ITPKB: variants seen among roughly 807,000 people sequenced by gnomAD.
ITPKB encodes the protein inositol-trisphosphate 3-kinase B, also known as IP3 3-kinase B.
In ITPKB, 13 loss-of-function variants were observed where a neutral mutation model predicts 69.4. That is an observed-to-expected ratio of 0.19 (90% CI 0.12 to 0.30). ITPKB has a LOEUF of 0.30. Ranked by LOEUF, ITPKB falls within the 10% of genes least tolerant of loss-of-function variation. The probability of loss-of-function intolerance (pLI) is 1.00; values close to 1 mark genes in which losing one functional copy is unlikely to be tolerated. For synonymous variants in ITPKB, 584 were observed against 513.7 expected, an observed-to-expected ratio of 1.14 and a Z score of -1.85; for missense variants, 1,240 against 1,250.5, an observed-to-expected ratio of 0.99 and a Z score of 0.13.
chr1:226,708,012 G>T, intron 2 of ITPKB: 2 of 624,824 alleles, frequency 3.2e-6, no homozygotes, highest in Middle Eastern at 3.5e-4. Flanking sequence ...ACCAAAGGTA[G>T]GAGTAAGATG....
Position 226,682,314 on chromosome 1 carries a change from A to C in ITPKB, c.1933-33543T>G, listed in dbSNP as rs533950736. ...CAAAGTGGCCCAAAAGAGCTAGGAA[A>C]ATATAAATAACATTCAGCAGGTCAT... On this transcript the variant is annotated intron_variant, in intron 2 of 7. Transcript: ENST00000429204. 4.6e-5 allele frequency among the ~76,000 whole-genome samples: 7 copies of C among 152,370 alleles called. No homozygotes were observed. The South Asian group carries it at 1.0e-3, about 23-fold the overall frequency.
chr1:226,676,715 T>C (rs1423117986), intron 2 of ITPKB, among the ~76,000 whole-genome samples: 1 of 152,246 alleles, frequency 6.6e-6, no homozygotes, highest in Non-Finnish European at 1.5e-5. Context: ...AATTCGTTAA[T>C]GGACTTATAC....
At chr1:226,654,817 A>C (rs1175735219) in intron 2 of ITPKB, among the ~76,000 whole-genome samples, 1 of 152,162 alleles carries the variant, frequency 6.6e-6, no homozygotes, top group Non-Finnish European at 1.5e-5. Flanking sequence ...AACAAATCAG[A>C]GGGCAAACGG....
chr1:226,647,086 G>C, intron 4 of ITPKB, 81 bp downstream of exon 4: 1 of 1,318,842 alleles, frequency 7.6e-7, no homozygotes. Context: ...AGGCCTCCGG[G>C]AAGCCCTGAG....
At position 226,643,810 on chromosome 1, in the gene ITPKB, C is replaced by T. The variant is rs558408612; in HGVS notation, c.2247-1685G>A. ...GCACACACAACCATGTGCGCACATA[C>T]ACACACATGTGCTCATGCACACACA... On this transcript the variant is annotated intron_variant, in intron 4 of 7. Transcript: ENST00000429204. 1.5e-4 allele frequency among the ~76,000 whole-genome samples: 22 copies of T among 150,540 alleles called. No individual in the cohort carries two copies. The Middle Eastern group carries it at 0.024, about 165-fold the overall frequency.
At chr1:226,672,970 C>T (rs1170589386) in intron 2 of ITPKB, among the ~76,000 whole-genome samples, 1 of 152,234 alleles carries the variant, frequency 6.6e-6, no homozygotes, top group Non-Finnish European at 1.5e-5. Context: ...ACCTGCCACA[C>T]TGTGAATGAT....
intron 2 of ITPKB, among the ~76,000 whole-genome samples, chr1:226,691,516 G>C (rs971465630): frequency 4.6e-5 from 7 of 152,136 alleles, no homozygotes; most frequent in African/African-American, 1.7e-4. Flanking sequence ...CAGCAGGAAG[G>C]GGAGGGCCCA....
At chr1:226,711,432 AGAGAGAGAGAGTGT>A (rs1283758206) in intron 2 of ITPKB, among the ~76,000 whole-genome samples, 7 of 130,220 alleles carry the variant, frequency 5.4e-5, no homozygotes, top group African/African-American at 1.4e-4. Flanking sequence ...AGAGAGAGAG[AGAGAGAGAGAGTGT>A]GTGTGTGTGT....
chr1:226,711,028 C>T (rs937089186), intron 2 of ITPKB, among the ~76,000 whole-genome samples: 1 of 152,228 alleles, frequency 6.6e-6, no homozygotes, highest in African/African-American at 2.4e-5. Flanking sequence ...CAACTGCATT[C>T]ATGAAGCTGG....
At position 226,678,122 on chromosome 1, in the gene ITPKB, C is replaced by T. The variant is rs994999417; in HGVS notation, c.1933-29351G>A. ...TAGATTTGTCCAACTCCAGAATATA[C>T]TCTCTGGCCACACCTCCACAATTTG... On this transcript the variant is annotated intron_variant, in intron 2 of 7. Transcript: ENST00000429204. Among the ~76,000 whole-genome samples the T allele has an allele frequency of 6.6e-5, 10 of 152,198 alleles. 1 individual carries two copies. Among genetic ancestry groups the T allele is most frequent in the African/African-American group, 2.2e-4 (9 of 41,440 alleles).
At chr1:226,690,317 T>C (rs1255685515) in intron 2 of ITPKB, among the ~76,000 whole-genome samples, 1 of 152,214 alleles carries the variant, frequency 6.6e-6, no homozygotes, top group Non-Finnish European at 1.5e-5. Flanking sequence ...TTTTGACATG[T>C]TACATTTAAT....
Position 226,737,662 on chromosome 1 carries a change from G to A in ITPKB, c.-204C>T. 9.6e-7 allele frequency: 1 copy of A among 1,044,848 alleles called. No individual in the cohort carries two copies. The highest frequency in any genetic ancestry group is 1.2e-6 in the Non-Finnish European group (1 of 856,764). The allele number at this position is 1,044,848 out of a possible 1,614,324, so 64.7% of individuals were successfully genotyped here. A position where few individuals can be genotyped will look rare whatever the true frequency, so the allele number is the denominator to read the frequency against. The stretch of plus-strand genomic sequence containing the variant: ...CCCAAAGCTCCATAAACAACCGTGC[G>A]GCTGTGGAGATACAAGGAGAAAAGT... On this transcript the variant is annotated splice_region_variant and 5_prime_UTR_variant, in exon 2 of 8. Coordinates refer to ENST00000429204, the MANE Select transcript of ITPKB (RefSeq NM_002221.4).
chr1:226,643,713 C>A (rs768294009), intron 4 of ITPKB, among the ~76,000 whole-genome samples: 2 of 152,238 alleles, frequency 1.3e-5, no homozygotes, highest in African/African-American at 2.4e-5. Context: ...TTAGGCCTGG[C>A]TGGTTAGGAC....
chr1:226,662,392 G>C (rs1669418884), intron 2 of ITPKB, among the ~76,000 whole-genome samples: 1 of 152,216 alleles, frequency 6.6e-6, no homozygotes, highest in Non-Finnish European at 1.5e-5. Flanking sequence ...ACTTCTGTGT[G>C]AACAGCTCTT....
chr1:226,716,388 CT>C (rs1657096746), intron 2 of ITPKB, among the ~76,000 whole-genome samples: 1 of 152,128 alleles, frequency 6.6e-6, no homozygotes, highest in South Asian at 2.1e-4. Context: ...TAAAAATCTT[CT>C]CTTTTTATTT....
chr1:226,723,036 G>A (rs960721291), intron 2 of ITPKB, among the ~76,000 whole-genome samples: 2 of 152,096 alleles, frequency 1.3e-5, no homozygotes, highest in Admixed American at 1.3e-4. Flanking sequence ...CAGGCAGGAT[G>A]CCCAGGGCTG....
chr1:226,676,772 CT>C (rs1669742405), intron 2 of ITPKB, among the ~76,000 whole-genome samples: 1 of 152,248 alleles, frequency 6.6e-6, no homozygotes. Flanking sequence ...TGGAGGAATT[CT>C]GAAATAATTT....
rs1402916484 is a variant in ITPKB, at chr1:226,637,795, A to G, written c.2554-45T>C. On this transcript the variant is annotated intron_variant, in intron 6 of 7. Transcript: ENST00000429204. This position sits in a 1 kb window ranked among gnomAD's most constrained non-coding sequence, Gnocchi z 4.3. ...CAGATTTTTAAGCGCCGCGTGGGGA[A>G]GGGCAGTGTCAGAACACCCATGCGG... is the stretch of plus-strand genomic sequence containing the variant. The G allele has an allele frequency of 6.8e-7, 1 of 1,470,436 alleles. No homozygotes were observed. Among genetic ancestry groups the G allele is most frequent in the Non-Finnish European group, 9.5e-7 (1 of 1,054,010 alleles). The allele number at this position is 1,470,436 out of a possible 1,614,324, so 91.1% of individuals were successfully genotyped here. A position where few individuals can be genotyped will look rare whatever the true frequency, so the allele number is the denominator to read the frequency against.
chr1:226,726,910 C>G (rs1389433637), intron 2 of ITPKB, among the ~76,000 whole-genome samples: 1 of 152,086 alleles, frequency 6.6e-6, no homozygotes. Flanking sequence ...TATTTGTGCC[C>G]AACAAAATCT....
Sources: allele counts gnomAD v4.1 joint callset (sites outside exome capture counted in the v4.1 genomes callset), GRCh38; gene constraint gnomAD v4.1.1; non-coding constraint Gnocchi (gnomAD v3.1); transcripts MANE v1.5; gene names NCBI Gene and HGNC (gene_info 2026-07-23, HGNC 2026-07-21).